FRMD5: variants seen among roughly 807,000 people sequenced by gnomAD.
FRMD5 encodes FERM domain containing 5.
FRMD5 carries 20 observed loss-of-function variants against 69.0 expected under a neutral mutation model. That is an observed-to-expected ratio of 0.29 (90% CI 0.20 to 0.42). FRMD5 has a LOEUF of 0.42. Among genes scored for constraint, FRMD5 ranks in the 10% least tolerant of loss-of-function variants. FRMD5 has a pLI of 1.00. For synonymous variants in FRMD5, 271 were observed against 260.1 expected, an observed-to-expected ratio of 1.04 and a Z score of -0.40; for missense variants, 595 against 708.6, an observed-to-expected ratio of 0.84 and a Z score of 1.82.
In FRMD5 at chr15:43,883,696, T is replaced by C. The variant is rs1303602460; in HGVS notation, c.1135+7A>G. 1.5e-5 allele frequency: 24 copies of C among 1,600,216 alleles called. No individual in the cohort carries two copies. Among genetic ancestry groups the C allele is most frequent in the East Asian group, 2.2e-5 (1 of 44,668 alleles). Reference sequence around the variant, plus strand: ...CCCAGTGGTCACCTCAAGAAGCTCATGCTCACCTTCCATGATGGAGATGTG... The same window carrying C: ...CCCAGTGGTCACCTCAAGAAGCTCACGCTCACCTTCCATGATGGAGATGTG... On this transcript the variant is annotated splice_region_variant and intron_variant, in intron 13 of 13. Transcript: ENST00000417257.
chr15:43,964,479 TCAAACAAACAAA>T (rs994658709), intron 1 of FRMD5, among the ~76,000 whole-genome samples: 2 of 146,748 alleles, frequency 1.4e-5, no homozygotes, highest in Non-Finnish European at 3.0e-5. Flanking sequence ...AGACCCTGTT[TCAAACAAACAAA>T]CAAACAAACA....
intron 1 of FRMD5, among the ~76,000 whole-genome samples, chr15:44,145,004 T>C (rs1380835614): frequency 2.0e-5 from 3 of 152,202 alleles, no homozygotes; most frequent in African/African-American, 4.8e-5. Context: ...TGATAAAGTG[T>C]TCTGGAAGCA....
At chr15:43,879,414 A>G (rs1299172213) in intron 13 of FRMD5, 1 of 397,994 alleles carries the variant, frequency 2.5e-6, no homozygotes, top group African/African-American at 2.1e-5. Flanking sequence ...ATTTCATCGA[A>G]CCTGTTATTT....
rs547936268 is a variant in FRMD5 at position 44,102,043 on chromosome 15, C to G, written c.102+92910G>C. 4.6e-5 allele frequency among the ~76,000 whole-genome samples: 7 copies of G among 152,322 alleles called. No homozygotes were observed. In the East Asian group the frequency reaches 1.3e-3, roughly 29 times the overall value. ...GTGACTGCCGTATCACACTCAATGG[C>G]AGAAGCAGTCCACTTGGCACCATTA... is the stretch of plus-strand genomic sequence containing the variant. On this transcript the variant is annotated intron_variant, in intron 1 of 13. Transcript: ENST00000417257.
intron 1 of FRMD5, among the ~76,000 whole-genome samples, chr15:44,139,725 T>C (rs577130661): frequency 2.9e-3 from 58 of 19,934 alleles, no homozygotes; most frequent in African/African-American, 0.011. Context: ...ACCCAGTCTC[T>C]ACAAAAAAAA....
chr15:43,871,596 A>G lies in FRMD5; in HGVS notation c.*2289T>C, dbSNP rs938415792. On this transcript the variant is annotated 3_prime_UTR_variant, in exon 14 of 14. Transcript: ENST00000417257. The stretch of plus-strand genomic sequence containing the variant: ...TCCTGTGCTAAATAAAGCCTTTGCT[A>G]TGTAGATGACAAGTGGCAGTGGCTA... 5 of 152,238 alleles carry G rather than the reference A, an allele frequency of 3.3e-5. No homozygotes were observed. Among genetic ancestry groups the G allele is most frequent in the African/African-American group, 1.2e-4 (5 of 41,468 alleles). The allele number at this position is 152,238 out of a possible 1,614,324, so 9.4% of individuals were successfully genotyped here.
intron 8 of FRMD5, among the ~76,000 whole-genome samples, chr15:43,890,812 C>CTG (rs1231875837): frequency 6.6e-6 from 1 of 152,174 alleles, no homozygotes; most frequent in African/African-American, 2.4e-5. Context: ...GTTTCACCAG[C>CTG]ACTCTGGCTG....
intron 1 of FRMD5, among the ~76,000 whole-genome samples, chr15:44,101,812 C>T (rs1357164145): frequency 6.6e-6 from 1 of 152,168 alleles, no homozygotes; most frequent in Non-Finnish European, 1.5e-5. Context: ...GATGCCTGAA[C>T]CAACTCTATC....
chr15:43,972,081 T>TAC (rs986686733), intron 1 of FRMD5, among the ~76,000 whole-genome samples: 2 of 147,588 alleles, frequency 1.4e-5, no homozygotes, highest in Non-Finnish European at 3.0e-5. Context: ...TATAAATATA[T>TAC]ATATATATAA....
chr15:44,085,152 T>C (rs569656871), intron 1 of FRMD5, among the ~76,000 whole-genome samples: 1 of 152,260 alleles, frequency 6.6e-6, no homozygotes, highest in South Asian at 2.1e-4. Flanking sequence ...GGTGAACAGG[T>C]ATTCCAAATA....
chr15:44,064,130 T>G (rs1893210710), intron 1 of FRMD5: 1 of 216,776 alleles, frequency 4.6e-6, no homozygotes, highest in South Asian at 6.9e-5. Context: ...CAGAACATCA[T>G]GCTTGCATCT....
intron 4 of FRMD5, 79 bp from the exon 5 acceptor site, chr15:43,910,058 C>T: frequency 1.3e-6 from 1 of 759,902 alleles, no homozygotes; most frequent in Admixed American, 2.5e-5. Flanking sequence ...GTAAGCCTAT[C>T]AAAATCTTTG....
intron 1 of FRMD5, among the ~76,000 whole-genome samples, chr15:43,972,326 T>C (rs1338636437): frequency 6.6e-6 from 1 of 152,042 alleles, no homozygotes; most frequent in East Asian, 1.9e-4. Context: ...AAAAAGCATA[T>C]ATAAGTTATT....
chr15:44,170,237 T>A (rs2140526142), intron 1 of FRMD5, among the ~76,000 whole-genome samples: 1 of 152,130 alleles, frequency 6.6e-6, no homozygotes, highest in East Asian at 1.9e-4. Flanking sequence ...AAATATACTT[T>A]AATTAGGCCA....
At chr15:43,977,143 A>C (rs1346846659) in intron 1 of FRMD5, among the ~76,000 whole-genome samples, 2 of 151,738 alleles carry the variant, frequency 1.3e-5, no homozygotes, top group African/African-American at 4.8e-5. Context: ...CTCATACTAA[A>C]GTTTCTATAG....
intron 1 of FRMD5, among the ~76,000 whole-genome samples, chr15:43,952,413 T>C (rs1158453401): frequency 3.3e-5 from 5 of 152,190 alleles, no homozygotes; most frequent in African/African-American, 1.2e-4. Flanking sequence ...GCAGTACTTA[T>C]GTAATTACTC....
chr15:44,147,513 T>C (rs908093918), intron 1 of FRMD5, among the ~76,000 whole-genome samples: 4 of 152,312 alleles, frequency 2.6e-5, no homozygotes, highest in Admixed American at 1.3e-4. Context: ...CTGTGAGGAA[T>C]GTCAATGGTA....
At chr15:44,002,416 A>G (rs1426438048) in intron 1 of FRMD5, among the ~76,000 whole-genome samples, 1 of 152,214 alleles carries the variant, frequency 6.6e-6, no homozygotes, top group African/African-American at 2.4e-5. Flanking sequence ...ATTCTGTAGC[A>G]GGATGAGCTG....
At chr15:44,034,023 T>C (rs954030620) in intron 1 of FRMD5, among the ~76,000 whole-genome samples, 1 of 152,218 alleles carries the variant, frequency 6.6e-6, no homozygotes, top group African/African-American at 2.4e-5. Flanking sequence ...AGACAAGGCA[T>C]CTCTGATATT....
Sources: allele counts gnomAD v4.1 joint callset (sites outside exome capture counted in the v4.1 genomes callset), GRCh38; gene constraint gnomAD v4.1.1; transcripts MANE v1.5; gene names NCBI Gene and HGNC (gene_info 2026-07-23, HGNC 2026-07-21).